Variants in PPCDC observed in about 807,000 individuals in gnomAD.
PPCDC encodes the protein phosphopantothenoylcysteine decarboxylase.
Under a neutral mutation model 20.7 loss-of-function variants are expected in PPCDC, and 20 were observed. The observed-to-expected ratio is 0.97, with a 90% CI of 0.68 to 1.41. The LOEUF is 1.41. Ranked by LOEUF, PPCDC falls within the 40% of genes most tolerant of loss-of-function variation. The pLI is 0.00. For synonymous variants in PPCDC, 88 were observed against 100.3 expected, an observed-to-expected ratio of 0.88 and a Z score of 0.73; for missense variants, 246 against 263.8, an observed-to-expected ratio of 0.93 and a Z score of 0.47.
At chr15:75,027,781 T>A (rs2065974738) in intron 1 of PPCDC, among the ~76,000 whole-genome samples, 2 of 152,230 alleles carry the variant, frequency 1.3e-5, no homozygotes, top group Non-Finnish European at 2.9e-5. Flanking sequence ...TCACCCTGAC[T>A]TTCAGTCTCA....
chr15:75,050,682 A>G lies in PPCDC; in HGVS notation c.*1447A>G, dbSNP rs1040509410. On this transcript the variant is annotated 3_prime_UTR_variant, in exon 6 of 6. Coordinates refer to ENST00000342932, the MANE Select transcript of PPCDC (RefSeq NM_021823.5). ...TGACTTCACCAGGTGACCCTTTGGGATAAAATTGCCTTAGGGTATGAAATA... is the reference window on the plus strand; with the variant it reads ...TGACTTCACCAGGTGACCCTTTGGGGTAAAATTGCCTTAGGGTATGAAATA... 6.6e-6 allele frequency: 1 copy of G among 152,220 alleles called. No homozygotes were observed. The highest frequency in any genetic ancestry group is 2.4e-5 in the African/African-American group (1 of 41,448). 9.4% of individuals were successfully genotyped at this position (152,220 alleles called of 1,614,324 possible).
chr15:75,030,098 G>T (rs2066004129), intron 2 of PPCDC, among the ~76,000 whole-genome samples: 1 of 152,194 alleles, frequency 6.6e-6, no homozygotes, highest in South Asian at 2.1e-4. Flanking sequence ...CCCCTCTCTG[G>T]TTGGAGTTGA....
intron 2 of PPCDC, among the ~76,000 whole-genome samples, chr15:75,032,946 G>A (rs1009939240): frequency 2.6e-5 from 4 of 151,984 alleles, no homozygotes; most frequent in African/African-American, 4.8e-5. Context: ...GACTGCAGGC[G>A]TGCCATCACA....
chr15:75,047,790 A>G (rs140915986), intron 4 of PPCDC, among the ~76,000 whole-genome samples: 38 of 152,360 alleles, frequency 2.5e-4, no homozygotes, highest in African/African-American at 8.2e-4. Flanking sequence ...ATACACACAC[A>G]GCTAGTGCTC....
intron 2 of PPCDC, among the ~76,000 whole-genome samples, chr15:75,033,652 G>A (rs1306642343): frequency 4.0e-5 from 6 of 150,266 alleles, no homozygotes; most frequent in Non-Finnish European, 8.9e-5. Context: ...CCTGGTTTGA[G>A]GATTTCTCTT....
intron 2 of PPCDC, among the ~76,000 whole-genome samples, chr15:75,039,871 A>G (rs1595907414): frequency 6.8e-6 from 1 of 147,096 alleles, no homozygotes; most frequent in East Asian, 2.0e-4. Flanking sequence ...TGCAACCTCC[A>G]CCTCCCAGGT....
intron 2 of PPCDC, among the ~76,000 whole-genome samples, chr15:75,036,513 C>T (rs2066086713): frequency 2.0e-5 from 3 of 152,182 alleles, no homozygotes; most frequent in Non-Finnish European, 2.9e-5. Context: ...ACATACTCTT[C>T]GCATTACTCC....
chr15:75,032,734 C>A (rs1434494781), intron 2 of PPCDC, among the ~76,000 whole-genome samples: 3 of 110,686 alleles, frequency 2.7e-5, no homozygotes, highest in African/African-American at 7.7e-5. Flanking sequence ...ACCCCCCCCC[C>A]CAAGGCCAAA....
intron 2 of PPCDC, among the ~76,000 whole-genome samples, chr15:75,033,300 T>C (rs2066045806): frequency 6.6e-6 from 1 of 152,196 alleles, no homozygotes; most frequent in Admixed American, 6.5e-5. Context: ...TAAAATATCA[T>C]CTGGCCCTTT....
chr15:75,034,015 C>T (rs1018795827), intron 2 of PPCDC, among the ~76,000 whole-genome samples: 2 of 152,168 alleles, frequency 1.3e-5, no homozygotes, highest in South Asian at 2.1e-4. Flanking sequence ...ACGACTGTTT[C>T]CTGCAGAGCC....
chr15:75,041,546 A>G lies in PPCDC; in HGVS notation c.136-1895A>G, dbSNP rs543195169. Among the ~76,000 whole-genome samples, 4 of 152,270 alleles carry G rather than the reference A, an allele frequency of 2.6e-5. No homozygotes were observed. In the East Asian group the frequency reaches 7.7e-4, roughly 29 times the overall value. On this transcript the variant is annotated intron_variant, in intron 2 of 5. Transcript: ENST00000342932. Reference sequence around the variant, plus strand: ...CTCAAGAGGCTGAGATGGGAGGATCACCTGAGCCCAGGGCAGTTGAGGCTG... The same window carrying G: ...CTCAAGAGGCTGAGATGGGAGGATCGCCTGAGCCCAGGGCAGTTGAGGCTG...
chr15:75,039,593 T>G (rs2066128404), intron 2 of PPCDC, among the ~76,000 whole-genome samples: 2 of 152,188 alleles, frequency 1.3e-5, no homozygotes. Flanking sequence ...GCTCCTGGGC[T>G]CTAATTGGCT....
chr15:75,036,495 C>T lies in PPCDC; in HGVS notation c.136-6946C>T, dbSNP rs551920006. On this transcript the variant is annotated intron_variant, in intron 2 of 5. Coordinates refer to ENST00000342932, the MANE Select transcript of PPCDC (RefSeq NM_021823.5). Reference sequence around the variant, plus strand: ...CAGAGGTGGGGCATCAGGAAAGACCCGCCCATCACATACTCTTCGCATTAC... The same window carrying T: ...CAGAGGTGGGGCATCAGGAAAGACCTGCCCATCACATACTCTTCGCATTAC... Among the ~76,000 whole-genome samples the T allele has an allele frequency of 9.2e-5, 14 of 152,244 alleles. No homozygotes were observed. In the East Asian group the frequency reaches 9.7e-4, roughly 11 times the overall value.
At chr15:75,030,454 T>C (rs924219495) in intron 2 of PPCDC, among the ~76,000 whole-genome samples, 3 of 152,246 alleles carry the variant, frequency 2.0e-5, no homozygotes, top group African/African-American at 7.2e-5. Context: ...TCACCTGCTC[T>C]TGTGGAGGGC....
intron 2 of PPCDC, among the ~76,000 whole-genome samples, chr15:75,028,882 A>G (rs1331973998): frequency 1.3e-5 from 2 of 152,052 alleles, no homozygotes; most frequent in African/African-American, 2.4e-5. Flanking sequence ...GTGAGACCTC[A>G]TGGTTGTCTT....
intron 2 of PPCDC, among the ~76,000 whole-genome samples, chr15:75,040,707 T>C (rs764276916): frequency 6.6e-6 from 1 of 152,236 alleles, no homozygotes; most frequent in Non-Finnish European, 1.5e-5. Context: ...TCACCCAGGC[T>C]GGAGTGCAGT....
intron 4 of PPCDC, among the ~76,000 whole-genome samples, chr15:75,045,703 G>T (rs923999159): frequency 3.3e-5 from 5 of 152,050 alleles, no homozygotes; most frequent in Non-Finnish European, 5.9e-5. Context: ...CAGGAGCAGG[G>T]GTAGGGAGTG....
chr15:75,040,378 C>G (rs932096875), intron 2 of PPCDC, among the ~76,000 whole-genome samples: 2 of 152,010 alleles, frequency 1.3e-5, no homozygotes, highest in African/African-American at 2.4e-5. Flanking sequence ...GAGTTTAGAT[C>G]GTTTTAAAAA....
In PPCDC at chr15:75,044,513, T is replaced by G. The variant is rs202065165; in HGVS notation, c.359T>G (p.Leu120Arg). The change falls in exon 4 of 6, where the codon CTT becomes CGT. Residue 120 changes from leucine to arginine, a missense_variant and splice_region_variant. This residue lies in a region of PPCDC where 225 missense variants were observed against 222.6 expected (regional missense o/e 1.01). Coordinates refer to ENST00000342932, the MANE Select transcript of PPCDC (RefSeq NM_021823.5). ...GCCAGTGGCATCTGTGACAACTTGC[T>G]TGTGAGTGATGTCCTGGTGCCCTCG... Reference protein sequence around the residue: ...KVASGICDNLLTCVMRAWDRS... With the variant: ...KVASGICDNLRTCVMRAWDRS... 1 of 1,613,816 alleles carries G rather than the reference T, an allele frequency of 6.2e-7. No homozygotes were observed.
Sources: allele counts gnomAD v4.1 joint callset (sites outside exome capture counted in the v4.1 genomes callset), GRCh38; gene constraint gnomAD v4.1.1; regional missense constraint gnomAD v4.1.1; transcripts MANE v1.5; gene names NCBI Gene and HGNC (gene_info 2026-07-23, HGNC 2026-07-21).